Variants in AGMO observed in about 807,000 individuals in gnomAD.
AGMO encodes glyceryl-ether monooxygenase.
Under a neutral mutation model 60.2 loss-of-function variants are expected in AGMO, and 75 were observed. That is an observed-to-expected ratio of 1.25 (90% confidence interval 1.03 to 1.51). AGMO has a LOEUF of 1.51. AGMO is among the 40% of genes most tolerant of loss of function. The pLI is 0.00. For synonymous variants in AGMO, 261 were observed against 177.1 expected (o/e 1.47, Z -3.76); for missense variants, 763 against 525.5 (o/e 1.45, Z -4.42).
chr7:15,382,702 G>T (rs1487289100), intron 10 of AGMO, among the ~76,000 whole-genome samples: 1 of 152,116 alleles, frequency 6.6e-6, no homozygotes, highest in Non-Finnish European at 1.5e-5. Context: ...TTGAACTGCT[G>T]AAGTAATCAA....
chr7:15,161,445 G>GAC, the AGMO span, among the ~76,000 whole-genome samples: 9 of 150,426 alleles, frequency 6.0e-5, no homozygotes, highest in Non-Finnish European at 1.2e-4. Context: ...TATATACACA[G>GAC]ACACACACAC....
At chr7:15,419,521 T>A (rs1255124965) in intron 4 of AGMO, among the ~76,000 whole-genome samples, 1 of 152,082 alleles carries the variant, frequency 6.6e-6, no homozygotes, top group Non-Finnish European at 1.5e-5. Flanking sequence ...CTTCTGAGTA[T>A]TATAATTTTA....
At chr7:15,414,932 T>C (rs1284620907) in intron 5 of AGMO, among the ~76,000 whole-genome samples, 1 of 152,152 alleles carries the variant, frequency 6.6e-6, no homozygotes, top group Non-Finnish European at 1.5e-5. Flanking sequence ...ATAGTGGTTA[T>C]GTACAAAGAA....
chr7:15,132,283 AT>A, the AGMO span, among the ~76,000 whole-genome samples: 1 of 152,178 alleles, frequency 6.6e-6, no homozygotes, highest in Admixed American at 6.5e-5. Flanking sequence ...ATACTTCAAT[AT>A]TTCAGGCACT....
intron 12 of AGMO, among the ~76,000 whole-genome samples, chr7:15,245,212 A>G (rs1782707004): frequency 6.6e-6 from 1 of 152,106 alleles, no homozygotes; most frequent in African/African-American, 2.4e-5. Flanking sequence ...TTTGACTACA[A>G]TGAAAGATGT....
At chr7:15,543,949 C>A (rs7806287) in intron 3 of AGMO, among the ~76,000 whole-genome samples, 2 of 151,436 alleles carry the variant, frequency 1.3e-5, no homozygotes, top group East Asian at 3.9e-4. Flanking sequence ...CCCTTTTCAC[C>A]GCAAAAATAT....
intron 12 of AGMO, among the ~76,000 whole-genome samples, chr7:15,289,093 G>C (rs1784183387): frequency 6.6e-6 from 1 of 151,602 alleles, no homozygotes; most frequent in South Asian, 2.1e-4. Flanking sequence ...AGTAATGGCA[G>C]AGCTATTTCT....
chr7:15,312,963 G>A lies in AGMO; in HGVS notation c.1263+52551C>T, dbSNP rs145053175. 1.9e-3 allele frequency among the ~76,000 whole-genome samples: 295 copies of A among 152,184 alleles called. 1 individual carries two copies. Among genetic ancestry groups the A allele is most frequent in the Non-Finnish European group, 3.4e-3 (232 of 67,988 alleles). On this transcript the variant is annotated intron_variant, in intron 12 of 12. Transcript: ENST00000342526. ...GGATTACAGACATGAGCCACCACAT[G>A]CAGCCAAGAATTTCTGAATAATGAA... is the stretch of plus-strand genomic sequence containing the variant.
chr7:15,560,227 GACA>G lies in AGMO; in HGVS notation c.168_170del (p.Val57del). On this transcript the variant is annotated inframe_deletion, in exon 2 of 13. Transcript: ENST00000342526. Reference sequence around the variant, plus strand: ...GTGGCTTTCCTTTGAGAATCCAGCTGACAACAAGTTCAAGCAGCATCAAAGAAA... The same window carrying G: ...GTGGCTTTCCTTTGAGAATCCAGCTGACAAGTTCAAGCAGCATCAAAGAAA... The G allele has an allele frequency of 2.5e-6, 4 of 1,612,934 alleles. No individual in the cohort carries two copies. Among genetic ancestry groups the G allele is most frequent in the Non-Finnish European group, 1.7e-6 (2 of 1,179,228 alleles).
At chr7:15,308,673 T>C (rs1162718160) in intron 12 of AGMO, among the ~76,000 whole-genome samples, 1 of 152,216 alleles carries the variant, frequency 6.6e-6, no homozygotes, top group Non-Finnish European at 1.5e-5. Flanking sequence ...AACTTTTCTG[T>C]AACCAAAGCT....
intron 5 of AGMO, among the ~76,000 whole-genome samples, chr7:15,401,006 T>G (rs1784538958): frequency 1.3e-5 from 2 of 152,134 alleles, no homozygotes; most frequent in South Asian, 4.1e-4. Flanking sequence ...TCCCATTGTA[T>G]CTAGGTGACC....
At chr7:15,348,649 T>G (rs909057741) in intron 12 of AGMO, among the ~76,000 whole-genome samples, 1 of 152,122 alleles carries the variant, frequency 6.6e-6, no homozygotes, top group African/African-American at 2.4e-5. Flanking sequence ...GAATCTACTT[T>G]TTTAAGGCTG....
the AGMO span, among the ~76,000 whole-genome samples, chr7:15,121,575 A>G: frequency 6.6e-6 from 1 of 152,308 alleles, no homozygotes; most frequent in Non-Finnish European, 1.5e-5. Context: ...ATAACCAGTG[A>G]TGATGAACTT....
At chr7:15,539,232 T>G (rs1784557367) in intron 3 of AGMO, among the ~76,000 whole-genome samples, 1 of 152,150 alleles carries the variant, frequency 6.6e-6, no homozygotes, top group South Asian at 2.1e-4. Flanking sequence ...TACAGATAAT[T>G]TCATCACCTG....
chr7:15,509,929 C>T (rs191013252), intron 3 of AGMO, among the ~76,000 whole-genome samples: 45 of 152,090 alleles, frequency 3.0e-4, no homozygotes, highest in South Asian at 2.3e-3. Context: ...AGTATTGGGG[C>T]GTGTGGAGAA....
the AGMO span, among the ~76,000 whole-genome samples, chr7:15,180,310 C>T: frequency 6.6e-6 from 1 of 152,066 alleles, no homozygotes; most frequent in Non-Finnish European, 1.5e-5. Flanking sequence ...TTAAAAGTCA[C>T]CCTATAGAAG....
chr7:15,287,281 C>CA (rs1784125150), intron 12 of AGMO, among the ~76,000 whole-genome samples: 1 of 152,058 alleles, frequency 6.6e-6, no homozygotes, highest in Non-Finnish European at 1.5e-5. Context: ...TAGAAATTAT[C>CA]AAAAAATTTG....
At chr7:15,518,480 C>G (rs1451806460) in intron 3 of AGMO, among the ~76,000 whole-genome samples, 2 of 152,162 alleles carry the variant, frequency 1.3e-5, no homozygotes, top group African/African-American at 4.8e-5. Flanking sequence ...AAGGAGCAGG[C>G]AGCAATCTTT....
intron 12 of AGMO, among the ~76,000 whole-genome samples, chr7:15,340,185 G>A (rs754465122): frequency 2.0e-5 from 3 of 152,060 alleles, no homozygotes; most frequent in Non-Finnish European, 2.9e-5. Flanking sequence ...ATAGCCTGAA[G>A]GTAATTTTAT....
Sources: allele counts gnomAD v4.1 joint callset (sites outside exome capture counted in the v4.1 genomes callset), GRCh38; gene constraint gnomAD v4.1.1; transcripts MANE v1.5; gene names NCBI Gene and HGNC (gene_info 2026-07-23, HGNC 2026-07-21).